Variants in USP54 observed in about 807,000 individuals in gnomAD.
USP54 encodes the protein ubiquitin carboxyl-terminal hydrolase 54.
Under a neutral mutation model 170.5 loss-of-function variants are expected in USP54, and 87 were observed. The ratio of observed to expected loss-of-function variants is 0.51; its 90% CI spans 0.43 to 0.61. USP54 has a LOEUF of 0.61. Among genes scored for constraint, USP54 ranks in the 20% least tolerant of loss-of-function variants. The pLI is 0.00. For missense variants in USP54, 1,786 were observed against 2,047.8 expected (o/e 0.87, Z 2.47); for synonymous variants, 655 against 742.8 (o/e 0.88, Z 1.92).
chr10:73,596,269 A>T (rs1297504362), upstream of USP54, among the ~76,000 whole-genome samples: 29 of 152,056 alleles, frequency 1.9e-4, no homozygotes. Context: ...TAAAAATACA[A>T]AAATTAGGCT....
At chr10:73,534,408 C>A (rs1279855204) in intron 12 of USP54, among the ~76,000 whole-genome samples, 192 bp downstream of exon 12, 2 of 152,028 alleles carry the variant, frequency 1.3e-5, no homozygotes, top group African/African-American at 4.8e-5. Context: ...GACGGAGTTT[C>A]ACCGTGTGTT....
intron 4 of USP54, among the ~76,000 whole-genome samples, chr10:73,547,753 A>AT (rs1260631452): frequency 2.5e-4 from 38 of 152,332 alleles, no homozygotes; most frequent in African/African-American, 8.9e-4. Flanking sequence ...AAAGACTTAA[A>AT]TATCAGACTA....
At chr10:73,609,932 C>A (rs1455502783) in intron 1 of USP54, among the ~76,000 whole-genome samples, 6 of 151,602 alleles carry the variant, frequency 4.0e-5, no homozygotes, top group African/African-American at 1.5e-4. Context: ...ACTGCTTAAA[C>A]CTGGGAGGCG....
intron 19 of USP54, 136 bp downstream of exon 19, chr10:73,519,661 C>T (rs2061606289): frequency 6.6e-6 from 9 of 1,356,926 alleles, no homozygotes; most frequent in South Asian, 2.8e-5. Flanking sequence ...GTATGTCTGA[C>T]CTGAAAGAAG....
chr10:73,579,430 A>G (rs1454247293), intron 1 of USP54, among the ~76,000 whole-genome samples: 1 of 152,198 alleles, frequency 6.6e-6, no homozygotes, highest in African/African-American at 2.4e-5. Context: ...GATCTAAAAT[A>G]TATAGAATCC....
upstream of USP54, among the ~76,000 whole-genome samples, chr10:73,591,781 C>G (rs754829269): frequency 1.9e-4 from 29 of 151,926 alleles, no homozygotes; most frequent in African/African-American, 6.5e-4. Flanking sequence ...AAAAGGAGCA[C>G]GAGAAGACAA....
chr10:73,538,234 C>T (rs1035169972), intron 10 of USP54: 57 of 151,540 alleles, frequency 3.8e-4, no homozygotes, highest in African/African-American at 1.4e-3. Context: ...TCATTCAAAA[C>T]ATAGTAAAGG....
Position 73,606,175 on chromosome 10 carries a change from C to CAAAAAAAAAAAAAAA in USP54, c.-18+19377_-18+19391dup, listed in dbSNP as rs1178699732. ...CCTGGGCGACAGAGTGAGGCTGTCT[C>CAAAAAAAAAAAAAAA]AAAAAAAAAAAAAAAAAAAAAAAAA... On this transcript the variant is annotated intron_variant, in intron 1 of 22. Transcript: ENST00000339859. Among the ~76,000 whole-genome samples, 24 of 25,622 alleles carry CAAAAAAAAAAAAAAA rather than the reference C, an allele frequency of 9.4e-4. 1 individual carries two copies. Among genetic ancestry groups the CAAAAAAAAAAAAAAA allele is most frequent in the East Asian group, 2.9e-3 (3 of 1,018 alleles). 16.8% of individuals were successfully genotyped at this position (25,622 alleles called of 152,430 possible). A position where few individuals can be genotyped will look rare whatever the true frequency, so the allele number is the denominator to read the frequency against.
Position 73,500,707 on chromosome 10 carries a change from C to G in USP54, c.4443G>C (p.Leu1481=), listed in dbSNP as rs1310353795. The G allele has an allele frequency of 3.1e-6, 5 of 1,607,380 alleles. No homozygotes were observed. Among genetic ancestry groups the G allele is most frequent in the Non-Finnish European group, 4.2e-6 (5 of 1,176,988 alleles). Residue 1481 remains leucine (L), a synonymous_variant, in exon 23 of 24, where the codon CTG becomes CTC. Transcript: ENST00000687698. ...TGGTGGGCATCAGGACATCTGGGGA[C>G]AGGAACTGTGGTTGGGGAAGGTAGA... ...PQLYLPQPQF[L]SPDVLMPTMA... is the part of the protein sequence containing the mutation.
intron 1 of USP54, among the ~76,000 whole-genome samples, chr10:73,607,912 G>C (rs535859737): frequency 2.0e-5 from 3 of 151,666 alleles, no homozygotes; most frequent in Non-Finnish European, 4.4e-5. Context: ...GATTAAATGA[G>C]TTGCAGTGTG....
At chr10:73,529,389 C>T in intron 15 of USP54, 1 of 415,220 alleles carries the variant, frequency 2.4e-6, no homozygotes, top group Non-Finnish European at 4.5e-6. Context: ...GTACAATGAA[C>T]TCCTATGACA....
chr10:73,612,839 CAAAAAAAAAAAAA>C (rs756355670), intron 1 of USP54, among the ~76,000 whole-genome samples: 3 of 42,132 alleles, frequency 7.1e-5, no homozygotes, highest in Admixed American at 2.5e-4. Flanking sequence ...GACATTGTCT[CAAAAAAAAAAAAA>C]AAAAAAAAAA....
chr10:73,542,100 G>A (rs1203089076), intron 7 of USP54, among the ~76,000 whole-genome samples: 1 of 152,164 alleles, frequency 6.6e-6, no homozygotes, highest in Non-Finnish European at 1.5e-5. Flanking sequence ...TTTTATTGTT[G>A]TTGGTGGTGG....
chr10:73,548,484 T>C (rs1564789958), intron 4 of USP54, among the ~76,000 whole-genome samples: 1 of 152,180 alleles, frequency 6.6e-6, no homozygotes, highest in Non-Finnish European at 1.5e-5. Context: ...CCAAACCAAA[T>C]GTCCATCAAT....
intron 22 of USP54, among the ~76,000 whole-genome samples, chr10:73,503,802 A>G (rs7899100): frequency 0.047 from 7,084 of 152,168 alleles, 504 homozygotes; most frequent in African/African-American, 0.15. Flanking sequence ...GCTCAATCTC[A>G]GCTCACTGCA....
chr10:73,610,010 C>CAA (rs1190434140), intron 1 of USP54, among the ~76,000 whole-genome samples: 3 of 82,724 alleles, frequency 3.6e-5, no homozygotes, highest in Non-Finnish European at 5.1e-5. Context: ...ACTCTGTCTC[C>CAA]AAAAAAAAAA....
At chr10:73,548,055 C>G (rs1174897806) in intron 4 of USP54, among the ~76,000 whole-genome samples, 1 of 151,992 alleles carries the variant, frequency 6.6e-6, no homozygotes, top group Non-Finnish European at 1.5e-5. Flanking sequence ...ATAACCCCAT[C>G]AAAAGGCGGG....
chr10:73,557,017 T>C (rs1269204556), intron 4 of USP54, among the ~76,000 whole-genome samples: 1 of 152,174 alleles, frequency 6.6e-6, no homozygotes, highest in Admixed American at 6.5e-5. Context: ...CAAAAAACAC[T>C]CTGTCCTACA....
chr10:73,534,580 C>G lies in USP54; in HGVS notation c.1315+20G>C, dbSNP rs755442643. Reference sequence around the variant, plus strand: ...CAGGAATTGATTCAGGCAAGCAGGACCCTCTGTATAAGTCCCTACCTGTGT... The same window carrying G: ...CAGGAATTGATTCAGGCAAGCAGGAGCCTCTGTATAAGTCCCTACCTGTGT... On this transcript the variant is annotated intron_variant, in intron 12 of 23. Coordinates refer to ENST00000687698, the MANE Select transcript of USP54 (RefSeq NM_001391956.1). 2 of 1,610,034 alleles carry G rather than the reference C, an allele frequency of 1.2e-6. No individual in the cohort carries two copies. Among genetic ancestry groups the G allele is most frequent in the Non-Finnish European group, 1.7e-6 (2 of 1,177,844 alleles).
Sources: allele counts gnomAD v4.1 joint callset (sites outside exome capture counted in the v4.1 genomes callset), GRCh38; gene constraint gnomAD v4.1.1; transcripts MANE v1.5; gene names NCBI Gene and HGNC (gene_info 2026-07-23, HGNC 2026-07-21).